LGSN: variants seen among roughly 807,000 people sequenced by gnomAD.
LGSN encodes lengsin, lens protein with glutamine synthetase domain, also known as lengsin.
Under a neutral mutation model 19.5 loss-of-function variants are expected in LGSN, and 21 were observed. The observed-to-expected ratio is 1.07, with a 90% CI of 0.76 to 1.55. LGSN has a LOEUF of 1.55. LGSN is among the 40% of genes most tolerant of loss of function. The pLI is 0.00. For missense variants in LGSN, 673 were observed against 608.5 expected (o/e 1.11, Z -1.12); for synonymous variants, 257 against 215.6 (o/e 1.19, Z -1.68).
the LGSN span, among the ~76,000 whole-genome samples, chr6:63,537,883 T>C: frequency 1.3e-5 from 2 of 152,016 alleles, no homozygotes; most frequent in African/African-American, 2.4e-5. Context: ...GAGAGAGAAG[T>C]TGGGGAGAAT....
the LGSN span, among the ~76,000 whole-genome samples, chr6:63,420,455 C>T: frequency 1.3e-5 from 2 of 152,202 alleles, no homozygotes; most frequent in Non-Finnish European, 2.9e-5. Context: ...TTGACTGTTA[C>T]TTTCATTTTG....
the LGSN span, chr6:63,441,358 G>T: frequency 3.1e-5 from 15 of 476,224 alleles, no homozygotes; most frequent in South Asian, 2.0e-4. Flanking sequence ...CTCAACAACA[G>T]GCTGGTCACC....
chr6:63,364,741 A>G, the LGSN span, among the ~76,000 whole-genome samples: 1 of 152,244 alleles, frequency 6.6e-6, no homozygotes, highest in Non-Finnish European at 1.5e-5. Flanking sequence ...ACTGTCTCTC[A>G]GACCACAGTG....
chr6:63,324,984 G>A, the LGSN span, among the ~76,000 whole-genome samples: 3 of 151,184 alleles, frequency 2.0e-5, no homozygotes, highest in Non-Finnish European at 2.9e-5. Flanking sequence ...AGCGCCTATA[G>A]TTCCAGCTAC....
the LGSN span, among the ~76,000 whole-genome samples, chr6:63,379,084 A>C: frequency 6.6e-6 from 1 of 152,204 alleles, no homozygotes; most frequent in Non-Finnish European, 1.5e-5. Flanking sequence ...CTGTTAACAA[A>C]TATGAGATAG....
At chr6:63,526,833 A>ATATATT in the LGSN span, among the ~76,000 whole-genome samples, 209 of 127,994 alleles carry the variant, frequency 1.6e-3, no homozygotes, top group African/African-American at 3.8e-3. Context: ...ATATATATAT[A>ATATATT]TATTTATTTA....
chr6:63,539,956 T>G, the LGSN span, among the ~76,000 whole-genome samples: 1 of 152,164 alleles, frequency 6.6e-6, no homozygotes, highest in South Asian at 2.1e-4. Context: ...TAATGCCAAG[T>G]GTTGGAGGGT....
chr6:63,354,616 A>G, the LGSN span, among the ~76,000 whole-genome samples: 1 of 152,154 alleles, frequency 6.6e-6, no homozygotes, highest in Non-Finnish European at 1.5e-5. Context: ...TAGAAATACC[A>G]TATGATCTAT....
chr6:63,291,606 A>G (rs1767772632), intron 2 of LGSN, among the ~76,000 whole-genome samples: 1 of 152,196 alleles, frequency 6.6e-6, no homozygotes, highest in South Asian at 2.1e-4. Flanking sequence ...GGATAGGGAC[A>G]TGGTGGGCCA....
chr6:63,527,470 A>G, the LGSN span, among the ~76,000 whole-genome samples: 53 of 152,274 alleles, frequency 3.5e-4, no homozygotes, highest in Admixed American at 3.3e-3. Context: ...TATGTTGTAG[A>G]TATCTCAAAA....
At chr6:63,429,528 G>A in the LGSN span, among the ~76,000 whole-genome samples, 1 of 152,068 alleles carries the variant, frequency 6.6e-6, no homozygotes, top group Admixed American at 6.6e-5. Context: ...TTGAGGTCAG[G>A]AGTTCGAGAC....
At chr6:63,303,858 C>T (rs1415307731) in intron 1 of LGSN, among the ~76,000 whole-genome samples, 1 of 152,094 alleles carries the variant, frequency 6.6e-6, no homozygotes, top group East Asian at 1.9e-4. Flanking sequence ...CTCTTGAAAC[C>T]AAACACTTGT....
the LGSN span, among the ~76,000 whole-genome samples, chr6:63,495,469 T>TTTTTTTTTTTTTTTTTTTTTTTTTTG: frequency 1.1e-3 from 136 of 119,288 alleles, no homozygotes; most frequent in Non-Finnish European, 1.3e-3. Flanking sequence ...TTTTTTTTTT[T>TTTTTTTTTTTTTTTTTTTTTTTTTTG]TTTTTTTGAG....
At chr6:63,571,506 A>C in the LGSN span, 1 of 152,222 alleles carries the variant, frequency 6.6e-6, no homozygotes, top group Non-Finnish European at 1.5e-5. Flanking sequence ...GGGCTTAAAT[A>C]ATGAAGTCAG....
chr6:63,510,024 T>C, the LGSN span, among the ~76,000 whole-genome samples: 56 of 152,344 alleles, frequency 3.7e-4, no homozygotes, highest in African/African-American at 1.3e-3. Context: ...TTTATAAATG[T>C]AACCATCTAA....
At chr6:63,461,759 C>G in the LGSN span, among the ~76,000 whole-genome samples, 9 of 152,308 alleles carry the variant, frequency 5.9e-5, no homozygotes, top group East Asian at 1.5e-3. Flanking sequence ...TCTCTACTTT[C>G]TATTAATTTG....
chr6:63,536,556 A>G, the LGSN span, among the ~76,000 whole-genome samples: 4 of 152,288 alleles, frequency 2.6e-5, no homozygotes, highest in African/African-American at 9.6e-5. Flanking sequence ...ACAAATCACC[A>G]CTTATATTTT....
intron 1 of LGSN, among the ~76,000 whole-genome samples, chr6:63,308,614 CAA>C (rs3839641): frequency 7.1e-6 from 1 of 140,386 alleles, no homozygotes. Context: ...AATGTCAATA[CAA>C]AAAAAAAAAA....
chr6:63,423,504 G>A, the LGSN span, among the ~76,000 whole-genome samples: 2 of 150,858 alleles, frequency 1.3e-5, no homozygotes, highest in Non-Finnish European at 2.9e-5. Context: ...TAAGCATGTA[G>A]TCCTAGCTAC....
Sources: gnomAD v4.1 joint callset for allele counts (sites outside exome capture counted in the v4.1 genomes callset) on GRCh38, gnomAD v4.1.1 for gene constraint, MANE v1.5 for transcripts, NCBI Gene and HGNC (gene_info 2026-07-23, HGNC 2026-07-21) for gene names.